Variants in NUP43 observed in about 807,000 individuals in gnomAD.
The protein encoded by NUP43 is nucleoporin 43, also known as nucleoporin Nup43.
Under a neutral mutation model 47.3 loss-of-function variants are expected in NUP43, and 32 were observed. The ratio of observed to expected loss-of-function variants is 0.68; its 90% CI spans 0.51 to 0.91. The LOEUF is 0.91. NUP43 is among the 40% of genes least tolerant of loss of function. The pLI is 0.00. For synonymous variants in NUP43, 147 were observed against 158.4 expected (o/e 0.93, Z 0.54); for missense variants, 444 against 453.9 (o/e 0.98, Z 0.20).
Position 149,725,363 on chromosome 6 carries a change from G to A in NUP43, c.*1606C>T, listed in dbSNP as rs897240993. On this transcript the variant is annotated 3_prime_UTR_variant, in exon 8 of 8. Transcript: ENST00000340413. ...AATCCCAGCATTTTGGGAGGCTGAG[G>A]CAGGTGGATCATGAGGTCAGTTCAA... The A allele has an allele frequency of 6.6e-6, 1 of 152,196 alleles. No homozygotes were observed. Among genetic ancestry groups the A allele is most frequent in the African/African-American group, 2.4e-5 (1 of 41,432 alleles). The allele number at this position is 152,196 out of a possible 1,614,324, so 9.4% of individuals were successfully genotyped here.
intron 7 of NUP43, among the ~76,000 whole-genome samples, chr6:149,730,709 T>C (rs779134431): frequency 1.4e-4 from 21 of 152,232 alleles, no homozygotes; most frequent in Admixed American, 6.5e-4. Context: ...GGCAGGAAGA[T>C]TGCTTGAGCT....
rs1784791984 is a variant in NUP43 at position 149,726,434 on chromosome 6, A to G, written c.*535T>C. On this transcript the variant is annotated 3_prime_UTR_variant, in exon 8 of 8. Transcript: ENST00000340413. ...AAAAAAAAATTGAACACAGCTACAC[A>G]TCTTTGTCATTTTTGCTCTACTCAA... 6.5e-6 allele frequency: 1 copy of G among 153,526 alleles called. No individual in the cohort carries two copies. The highest frequency in any genetic ancestry group is 2.4e-5 in the African/African-American group (1 of 41,230). 9.5% of individuals were successfully genotyped at this position (153,526 alleles called of 1,614,324 possible). A position where few individuals can be genotyped will look rare whatever the true frequency, so the allele number is the denominator to read the frequency against.
chr6:149,735,845 C>T (rs956875195), intron 6 of NUP43, among the ~76,000 whole-genome samples: 5 of 151,090 alleles, frequency 3.3e-5, no homozygotes, highest in Non-Finnish European at 7.4e-5. Flanking sequence ...TGGTGACACA[C>T]ACCTATAGTC....
intron 6 of NUP43, among the ~76,000 whole-genome samples, chr6:149,735,620 A>C (rs1439908099): frequency 1.3e-5 from 2 of 149,144 alleles, no homozygotes; most frequent in Non-Finnish European, 3.0e-5. Flanking sequence ...AAAAAAAAAA[A>C]CACACACAGA....
rs1784807488 is a variant in NUP43 at position 149,726,782 on chromosome 6, A to G, written c.*187T>C. 5.1e-6 allele frequency: 3 copies of G among 589,404 alleles called. No homozygotes were observed. In the South Asian group the frequency reaches 6.2e-5, roughly 12 times the overall value. The allele number at this position is 589,404 out of a possible 1,614,324, so 36.5% of individuals were successfully genotyped here. On this transcript the variant is annotated 3_prime_UTR_variant, in exon 8 of 8. Transcript: ENST00000340413. ...CACAATCTTTTGCCATCAGTCATCT[A>G]TCGGATTCTACAACTGTTTGGGAGT... is the stretch of plus-strand genomic sequence containing the variant.
chr6:149,724,989 T>C lies in NUP43; in HGVS notation c.*1980A>G, dbSNP rs1784741450. Reference sequence around the variant, plus strand: ...GAGATGATCACCAAGGTACTTTCTATCTCTAAGATCCTGCAACCCTTGAAA... The same window carrying C: ...GAGATGATCACCAAGGTACTTTCTACCTCTAAGATCCTGCAACCCTTGAAA... On this transcript the variant is annotated 3_prime_UTR_variant, in exon 8 of 8. Transcript: ENST00000340413. The C allele has an allele frequency of 6.6e-6, 1 of 152,114 alleles. No individual in the cohort carries two copies. The highest frequency in any genetic ancestry group is 1.5e-5 in the Non-Finnish European group (1 of 68,022). 9.4% of individuals were successfully genotyped at this position (152,114 alleles called of 1,614,324 possible).
At chr6:149,737,416 A>G (rs1426615059) in intron 5 of NUP43, among the ~76,000 whole-genome samples, 2 of 152,074 alleles carry the variant, frequency 1.3e-5, no homozygotes, top group African/African-American at 4.8e-5. Context: ...AGCTAGGACT[A>G]CAGGCACATG....
chr6:149,738,057 T>C (rs1265416446), intron 5 of NUP43, among the ~76,000 whole-genome samples: 1 of 152,196 alleles, frequency 6.6e-6, no homozygotes, highest in Admixed American at 6.5e-5. Flanking sequence ...AGTACAATTT[T>C]GAAATAATTC....
chr6:149,743,191 TAAATAAAATA>T (rs550945005), intron 3 of NUP43, among the ~76,000 whole-genome samples: 3 of 149,780 alleles, frequency 2.0e-5, no homozygotes, highest in Non-Finnish European at 4.4e-5. Context: ...AAAAAATAAA[TAAATAAAATA>T]AAATAAAATA....
chr6:149,729,895 ACAAACCCT>A (rs1018684308), intron 7 of NUP43, among the ~76,000 whole-genome samples: 1 of 152,200 alleles, frequency 6.6e-6, no homozygotes, highest in African/African-American at 2.4e-5. Flanking sequence ...GGAGCCACAG[ACAAACCCT>A]CAAAAACAGG....
At chr6:149,732,242 CA>C (rs1182576815) in intron 6 of NUP43, among the ~76,000 whole-genome samples, 1 of 150,194 alleles carries the variant, frequency 6.7e-6, no homozygotes, top group Non-Finnish European at 1.5e-5. Context: ...GCGTACTGGG[CA>C]AGGAAATAAA....
intron 6 of NUP43, among the ~76,000 whole-genome samples, chr6:149,731,977 G>C (rs1785069455): frequency 1.3e-5 from 2 of 151,940 alleles, no homozygotes. Context: ...ATCACCTGAG[G>C]TCAGGACCAG....
chr6:149,744,332 T>G (rs1785843380), intron 2 of NUP43, among the ~76,000 whole-genome samples: 1 of 151,572 alleles, frequency 6.6e-6, no homozygotes, highest in Non-Finnish European at 1.5e-5. Context: ...GAGACCAGCC[T>G]GGCCAATACG....
At position 149,724,860 on chromosome 6, in the gene NUP43, ATT is replaced by A. The variant is rs1028599110; in HGVS notation, c.*2107_*2108del. The A allele has an allele frequency of 6.6e-6, 1 of 152,140 alleles. No homozygotes were observed. The highest frequency in any genetic ancestry group is 2.4e-5 in the African/African-American group (1 of 41,432). The allele number at this position is 152,140 out of a possible 1,614,324, so 9.4% of individuals were successfully genotyped here. A position where few individuals can be genotyped will look rare whatever the true frequency, so the allele number is the denominator to read the frequency against. On this transcript the variant is annotated 3_prime_UTR_variant, in exon 8 of 8. Coordinates refer to ENST00000340413, the MANE Select transcript of NUP43 (RefSeq NM_198887.3). ...CACCTCGGCCTCCCAAAGTGCTAGCATTACAGGCGTGAGCCACCATGCCTGGC... is the reference window on the plus strand; with the variant it reads ...CACCTCGGCCTCCCAAAGTGCTAGCAACAGGCGTGAGCCACCATGCCTGGC...
intron 3 of NUP43, 50 bp from the exon 4 acceptor site, chr6:149,742,620 G>T: frequency 1.4e-6 from 2 of 1,386,168 alleles, no homozygotes; most frequent in Non-Finnish European, 1.0e-6. Flanking sequence ...TAAGGAATTA[G>T]CACTTCTTCC....
intron 6 of NUP43, among the ~76,000 whole-genome samples, chr6:149,735,547 A>G (rs899381337): frequency 7.0e-6 from 1 of 143,224 alleles, no homozygotes; most frequent in African/African-American, 2.7e-5. Flanking sequence ...ATGAGCTATG[A>G]TCACACCACT....
intron 4 of NUP43, among the ~76,000 whole-genome samples, chr6:149,739,206 G>A (rs1485047151): frequency 2.0e-5 from 3 of 152,026 alleles, no homozygotes; most frequent in Non-Finnish European, 4.4e-5. Context: ...TCGAACTCCC[G>A]ACCTCAGGTG....
intron 7 of NUP43, among the ~76,000 whole-genome samples, chr6:149,730,550 G>A (rs1784984179): frequency 6.6e-6 from 1 of 152,166 alleles, no homozygotes. Context: ...TTCAAGCCCT[G>A]TGATACTCAA....
intron 5 of NUP43, among the ~76,000 whole-genome samples, chr6:149,737,650 T>C (rs1181972448): frequency 6.6e-6 from 1 of 152,160 alleles, no homozygotes; most frequent in Non-Finnish European, 1.5e-5. Context: ...GACAGAGTTT[T>C]GTTCTTGTTG....
Sources: allele counts gnomAD v4.1 joint callset (sites outside exome capture counted in the v4.1 genomes callset), GRCh38; gene constraint gnomAD v4.1.1; transcripts MANE v1.5; gene names NCBI Gene and HGNC (gene_info 2026-07-23, HGNC 2026-07-21).